The following JMJD1C variants were observed in gnomAD, a reference collection of about 807,000 sequenced individuals.
The protein encoded by JMJD1C is jumonji domain containing 1C.
JMJD1C carries 31 observed loss-of-function variants against 245.3 expected under a neutral mutation model. The ratio of observed to expected loss-of-function variants is 0.13; its 90% CI spans 0.09 to 0.17. JMJD1C has a LOEUF of 0.17. Ranked by LOEUF, JMJD1C falls within the 10% of genes least tolerant of loss-of-function variation. JMJD1C has a pLI of 1.00. For missense variants in JMJD1C, 2,691 were observed against 3,000.2 expected, an observed-to-expected ratio of 0.90 and a Z score of 2.41; for synonymous variants, 1,057 against 1,017.4, an observed-to-expected ratio of 1.04 and a Z score of -0.74.
At chr10:63,241,318 T>C (rs1208291220) in intron 3 of JMJD1C, among the ~76,000 whole-genome samples, 10 of 152,288 alleles carry the variant, frequency 6.6e-5, no homozygotes, top group African/African-American at 2.2e-4. Context: ...CAAACTATCA[T>C]ACATAGGGGA....
At chr10:63,382,157 G>A (rs1332969387) in intron 1 of JMJD1C, among the ~76,000 whole-genome samples, 1 of 152,194 alleles carries the variant, frequency 6.6e-6, no homozygotes, top group Non-Finnish European at 1.5e-5. Context: ...GTTGCAGTGA[G>A]CCAAGATCAG....
intron 1 of JMJD1C, among the ~76,000 whole-genome samples, chr10:63,386,515 G>GTA (rs1017427315): frequency 6.6e-6 from 1 of 152,216 alleles, no homozygotes; most frequent in Non-Finnish European, 1.5e-5. Flanking sequence ...GCCCCCTCCA[G>GTA]TATGTAAGCA....
chr10:63,183,931 C>G (rs1843784190), intron 21 of JMJD1C, among the ~76,000 whole-genome samples: 1 of 152,160 alleles, frequency 6.6e-6, no homozygotes, highest in Non-Finnish European at 1.5e-5. Flanking sequence ...TTTGTAGGAA[C>G]AGTAATTCTT....
intron 1 of JMJD1C, among the ~76,000 whole-genome samples, chr10:63,391,346 T>G (rs1486763781): frequency 6.6e-6 from 1 of 151,962 alleles, no homozygotes; most frequent in Non-Finnish European, 1.5e-5. Context: ...CCGTCTCTAC[T>G]AAAAATACAA....
chr10:63,252,063 C>T (rs1853165234), intron 3 of JMJD1C, among the ~76,000 whole-genome samples: 3 of 152,170 alleles, frequency 2.0e-5, no homozygotes, highest in Admixed American at 2.0e-4. Flanking sequence ...TAATCTATAC[C>T]TATCCCAATG....
At chr10:63,308,907 C>T (rs1439962134) in intron 2 of JMJD1C, among the ~76,000 whole-genome samples, 1 of 151,974 alleles carries the variant, frequency 6.6e-6, no homozygotes, top group East Asian at 1.9e-4. Flanking sequence ...ATCACAGTAA[C>T]ATTTCAGAAT....
At chr10:63,332,305 T>C (rs1316642334) in intron 2 of JMJD1C, among the ~76,000 whole-genome samples, 1 of 152,224 alleles carries the variant, frequency 6.6e-6, no homozygotes, top group Non-Finnish European at 1.5e-5. Flanking sequence ...TGTCAATTCA[T>C]GATTTCTAGG....
At chr10:63,396,140 A>G (rs1402858908) in intron 1 of JMJD1C, among the ~76,000 whole-genome samples, 2 of 152,176 alleles carry the variant, frequency 1.3e-5, no homozygotes, top group African/African-American at 2.4e-5. Flanking sequence ...GGGAATCAGC[A>G]TGACTTAAAA....
At chr10:63,190,352 TGCCACCACACCTG>T (rs1020109407) in intron 17 of JMJD1C, among the ~76,000 whole-genome samples, 6 of 151,942 alleles carry the variant, frequency 3.9e-5, no homozygotes, top group Non-Finnish European at 8.8e-5. Flanking sequence ...TACAGACACG[TGCCACCACACCTG>T]GCTAACTTTT....
chr10:63,202,130 T>C (rs950204659), intron 10 of JMJD1C: 2 of 192,278 alleles, frequency 1.0e-5, no homozygotes, highest in Non-Finnish European at 1.9e-5. Context: ...AGCACGCACC[T>C]GTAATTCCAG....
At position 63,215,668 on chromosome 10, in the gene JMJD1C, G is replaced by A; in HGVS notation, c.707C>T (p.Ser236Phe). The A allele has an allele frequency of 6.3e-7, 1 of 1,595,960 alleles. No homozygotes were observed. The highest frequency in any genetic ancestry group is 1.7e-4 in the Middle Eastern group (1 of 6,002). Reference sequence around the variant, plus strand: ...ATCTAGAAAGGTCATTTGAACCATAGAAGGATCGACATTCTGTGGTTCTAG... The same window carrying A: ...ATCTAGAAAGGTCATTTGAACCATAAAAGGATCGACATTCTGTGGTTCTAG... ...QVLEPQNVDPSMVQMTFLDDV... is the reference protein window; with the variant it reads ...QVLEPQNVDPFMVQMTFLDDV... Residue 236 changes from serine (S) to phenylalanine (F), a missense_variant, in exon 6 of 26, where the codon TCT (serine) becomes TTT (phenylalanine). Ser to Phe is a radical substitution (Grantham distance 155). Transcript: ENST00000399262.
chr10:63,504,531 C>A (rs1954658223), intron 1 of JMJD1C, among the ~76,000 whole-genome samples: 1 of 152,016 alleles, frequency 6.6e-6, no homozygotes, highest in Admixed American at 6.6e-5. Context: ...AGAAGAAAGG[C>A]CAATAGGACT....
chr10:63,236,841 T>C (rs1378726727), intron 3 of JMJD1C, among the ~76,000 whole-genome samples: 1 of 152,080 alleles, frequency 6.6e-6, no homozygotes, highest in East Asian at 1.9e-4. Context: ...AGGCTGGGCA[T>C]GGTGGCTCAT....
chr10:63,363,683 G>T (rs1285015674), intron 2 of JMJD1C, among the ~76,000 whole-genome samples: 1 of 151,838 alleles, frequency 6.6e-6, no homozygotes, highest in Middle Eastern at 3.2e-3. Context: ...ATGACATTTA[G>T]ATTTCAGGTT....
At chr10:63,445,314 A>C (rs763566053) in intron 1 of JMJD1C, among the ~76,000 whole-genome samples, 1 of 152,224 alleles carries the variant, frequency 6.6e-6, no homozygotes, top group African/African-American at 2.4e-5. Context: ...AGGAGGGAAG[A>C]GGTCAATTTT....
At chr10:63,269,242 C>G (rs554718780) in intron 2 of JMJD1C, 1 of 982,970 alleles carries the variant, frequency 1.0e-6, no homozygotes, top group Admixed American at 6.1e-5. Flanking sequence ...TTAGGGCACA[C>G]TGAGAGAAGG....
chr10:63,198,999 G>GT (rs1210844570), intron 11 of JMJD1C, among the ~76,000 whole-genome samples: 2 of 152,084 alleles, frequency 1.3e-5, no homozygotes, highest in African/African-American at 2.4e-5. Context: ...AATGAAAACT[G>GT]TTTAAGTGTT....
At chr10:63,473,114 C>T (rs939879647) in intron 1 of JMJD1C, among the ~76,000 whole-genome samples, 1 of 151,904 alleles carries the variant, frequency 6.6e-6, no homozygotes, top group Non-Finnish European at 1.5e-5. Flanking sequence ...TAATGTATCC[C>T]TTAATTACAA....
At chr10:63,376,298 T>A (rs1031243634) in intron 2 of JMJD1C, among the ~76,000 whole-genome samples, 1 of 152,134 alleles carries the variant, frequency 6.6e-6, no homozygotes, top group Non-Finnish European at 1.5e-5. Context: ...TCACCAAAAT[T>A]TGTGATCTAA....
Sources: gnomAD v4.1 joint callset for allele counts (sites outside exome capture counted in the v4.1 genomes callset) on GRCh38, gnomAD v4.1.1 for gene constraint, MANE v1.5 for transcripts, NCBI Gene and HGNC (gene_info 2026-07-23, HGNC 2026-07-21) for gene names.